Variants in AOAH observed in about 807,000 individuals in gnomAD.
AOAH encodes the protein acyloxyacyl hydrolase (neutrophil).
Under a neutral mutation model 92.2 loss-of-function variants are expected in AOAH, and 64 were observed. The observed-to-expected ratio is 0.69, with a 90% CI of 0.57 to 0.86. The LOEUF (loss-of-function observed/expected upper bound fraction) is 0.86. Among genes scored for constraint, AOAH ranks in the 40% least tolerant of loss-of-function variants. AOAH has a pLI of 0.00. For synonymous variants in AOAH, 263 were observed against 254.5 expected (o/e 1.03, Z -0.32); for missense variants, 656 against 694.6 (o/e 0.94, Z 0.62).
intron 14 of AOAH, among the ~76,000 whole-genome samples, chr7:36,549,190 A>C (rs1786014938): frequency 6.6e-6 from 1 of 152,206 alleles, no homozygotes; most frequent in South Asian, 2.1e-4. Flanking sequence ...GGGATATGAC[A>C]TCATCCTTTT....
At position 36,614,204 on chromosome 7, in the gene AOAH, G is replaced by A. The variant is rs1791683601; in HGVS notation, c.846+2176C>T. 6.6e-6 allele frequency among the ~76,000 whole-genome samples: 1 copy of A among 152,166 alleles called. No individual in the cohort carries two copies. The highest frequency in any genetic ancestry group is 2.4e-5 in the African/African-American group (1 of 41,432). On this transcript the variant is annotated intron_variant, in intron 11 of 20. Coordinates refer to ENST00000617537, the MANE Select transcript of AOAH (RefSeq NM_001637.4). The surrounding 1 kb of genome is among the most constrained non-coding windows in gnomAD (Gnocchi z 4.2). ...ACCACCCCCTTCTCTAATGGACACG[G>A]TGGCTCTTGGGACGAGTCTGTTGTG...
intron 1 of AOAH, among the ~76,000 whole-genome samples, chr7:36,721,179 C>T (rs926969510): frequency 1.3e-5 from 2 of 152,170 alleles, no homozygotes; most frequent in South Asian, 2.1e-4. Context: ...TCTCCACCAA[C>T]GGGAGATGTC....
intron 13 of AOAH, among the ~76,000 whole-genome samples, chr7:36,563,903 A>C: frequency 6.6e-6 from 1 of 152,196 alleles, no homozygotes; most frequent in East Asian, 1.9e-4. Context: ...GTAGGCACTT[A>C]ACAATTGTTT....
At chr7:36,558,362 G>C (rs566731299) in intron 13 of AOAH, among the ~76,000 whole-genome samples, 12 of 152,312 alleles carry the variant, frequency 7.9e-5, no homozygotes, top group African/African-American at 2.9e-4. Context: ...TCTCAGAGGA[G>C]TACCCGGCCG....
chr7:36,541,577 A>C (rs1360559355), intron 15 of AOAH, among the ~76,000 whole-genome samples: 1 of 152,254 alleles, frequency 6.6e-6, no homozygotes, highest in Non-Finnish European at 1.5e-5. Flanking sequence ...TGGTTGATTT[A>C]AAGTTATGTT....
At position 36,549,493 on chromosome 7, in the gene AOAH, A is replaced by C. The variant is rs763318015; in HGVS notation, c.1022-18T>G. The C allele has an allele frequency of 3.2e-6, 5 of 1,550,166 alleles. No homozygotes were observed. The highest frequency in any genetic ancestry group is 1.1e-5 in the South Asian group (1 of 88,376). The stretch of plus-strand genomic sequence containing the variant: ...AGATGCACCTGAATAATTAAAATTA[A>C]GAAAACAATTAAAGTTAGTGAGTTC... On this transcript the variant is annotated intron_variant, in intron 13 of 20. Transcript: ENST00000617537.
At chr7:36,579,475 TAGTC>T (rs973379928) in intron 12 of AOAH, among the ~76,000 whole-genome samples, 22 of 152,100 alleles carry the variant, frequency 1.4e-4, no homozygotes, top group African/African-American at 4.6e-4. Flanking sequence ...TATTAGGTAT[TAGTC>T]AGGGTTCTCT....
intron 16 of AOAH, among the ~76,000 whole-genome samples, chr7:36,535,055 TGTGTGTGTGTATCC>T (rs1327471758): frequency 1.3e-3 from 1 of 782 alleles, no homozygotes; most frequent in Non-Finnish European, 5.1e-3. Flanking sequence ...TGTATGTGTC[TGTGTGTGTGTATCC>T]GTGTGTGTCT....
At position 36,719,812 on chromosome 7, in the gene AOAH, T is replaced by C. The variant is rs956173816; in HGVS notation, c.127+4210A>G. The stretch of plus-strand genomic sequence containing the variant: ...TTAGGCAGGCATGGTGGTGTGCACC[T>C]GTAGTCCCAGTTACACAGGAGGCTG... On this transcript the variant is annotated intron_variant, in intron 1 of 20. Coordinates refer to ENST00000617537, the MANE Select transcript of AOAH (RefSeq NM_001637.4). Among the ~76,000 whole-genome samples the C allele has an allele frequency of 2.0e-5, 3 of 152,086 alleles. No individual in the cohort carries two copies. The East Asian group carries it at 5.8e-4, about 29-fold the overall frequency.
chr7:36,648,711 AT>A (rs1468584194), intron 4 of AOAH, among the ~76,000 whole-genome samples: 1 of 151,550 alleles, frequency 6.6e-6, no homozygotes, highest in African/African-American at 2.4e-5. Context: ...TCTAGCTTAA[AT>A]TTTTTTCAAA....
At chr7:36,546,636 A>G (rs559535062) in intron 15 of AOAH, among the ~76,000 whole-genome samples, 85 of 152,216 alleles carry the variant, frequency 5.6e-4, no homozygotes, top group Non-Finnish European at 1.1e-3. Context: ...GGAAAAGTAC[A>G]GTTTCAGGGA....
chr7:36,616,038 C>T (rs1351569830), intron 11 of AOAH, among the ~76,000 whole-genome samples: 1 of 152,152 alleles, frequency 6.6e-6, no homozygotes, highest in African/African-American at 2.4e-5. Context: ...CTTGCTCAGA[C>T]GAAAAACAAG....
At chr7:36,572,119 A>G (rs914876523) in intron 13 of AOAH, among the ~76,000 whole-genome samples, 13 of 152,192 alleles carry the variant, frequency 8.5e-5, no homozygotes, top group Admixed American at 3.9e-4. Flanking sequence ...TGTACCCTGA[A>G]GATCTGTACA....
At chr7:36,575,011 AT>A (rs10652764) in intron 13 of AOAH, among the ~76,000 whole-genome samples, 67 of 150,184 alleles carry the variant, frequency 4.5e-4, no homozygotes, top group African/African-American at 1.5e-3. Flanking sequence ...CTCACAGATG[AT>A]TTTTTTTTTG....
chr7:36,512,972 G>T lies in AOAH; in HGVS notation c.*280C>A. The T allele has an allele frequency of 7.5e-7, 1 of 1,326,362 alleles. No individual in the cohort carries two copies. Among genetic ancestry groups the T allele is most frequent in the Non-Finnish European group, 1.0e-6 (1 of 974,140 alleles). The allele number at this position is 1,326,362 out of a possible 1,614,324, so 82.2% of individuals were successfully genotyped here. A position where few individuals can be genotyped will look rare whatever the true frequency, so the allele number is the denominator to read the frequency against. ...TTAGAAACTCCTTTTAGAACAATTA[G>T]CTGTAAAGGGCACAGATACTCTCTT... On this transcript the variant is annotated 3_prime_UTR_variant, in exon 21 of 21. Transcript: ENST00000617537.
At chr7:36,654,657 TGCGTC>T (rs1794773835) in intron 4 of AOAH, among the ~76,000 whole-genome samples, 1 of 152,148 alleles carries the variant, frequency 6.6e-6, no homozygotes, top group Non-Finnish European at 1.5e-5. Flanking sequence ...GGAGACTGCT[TGCGTC>T]ACATTATTTA....
chr7:36,577,060 G>T (rs528652875), intron 12 of AOAH, among the ~76,000 whole-genome samples: 2 of 149,514 alleles, frequency 1.3e-5, no homozygotes, highest in East Asian at 2.0e-4. Context: ...TGAAGCTGTG[G>T]TTGACACTAT....
At chr7:36,592,217 TA>T (rs1369048771) in intron 12 of AOAH, among the ~76,000 whole-genome samples, 1 of 152,196 alleles carries the variant, frequency 6.6e-6, no homozygotes, top group East Asian at 1.9e-4. Flanking sequence ...TAAACATATA[TA>T]TTTTTTTATT....
intron 1 of AOAH, among the ~76,000 whole-genome samples, chr7:36,708,561 T>C (rs1438321820): frequency 6.6e-6 from 1 of 152,200 alleles, no homozygotes; most frequent in Non-Finnish European, 1.5e-5. Flanking sequence ...TTCTATTGAC[T>C]GCTTTTTTCA....
Sources: gnomAD v4.1 joint callset for allele counts (sites outside exome capture counted in the v4.1 genomes callset) on GRCh38, gnomAD v4.1.1 for gene constraint, Gnocchi (gnomAD v3.1) non-coding constraint, MANE v1.5 for transcripts, NCBI Gene and HGNC (gene_info 2026-07-23, HGNC 2026-07-21) for gene names.